The following UNC79 variants were observed in gnomAD, a reference collection of about 807,000 sequenced individuals.
UNC79 encodes the protein unc-79 subunit of NALCN channel complex.
In UNC79, 37 loss-of-function variants were observed where a neutral mutation model predicts 283.1. The ratio of observed to expected loss-of-function variants is 0.13; its 90% confidence interval spans 0.10 to 0.17. The LOEUF is 0.17. UNC79 is among the 10% of genes least tolerant of loss of function. UNC79 has a pLI of 1.00. For synonymous variants in UNC79, 1,107 were observed against 1,200.2 expected, an observed-to-expected ratio of 0.92 and a Z score of 1.61; for missense variants, 2,272 against 3,211.1, an observed-to-expected ratio of 0.71 and a Z score of 7.07.
chr14:93,419,909 AAAAAATAATT>A (rs1054162354), intron 1 of UNC79, among the ~76,000 whole-genome samples: 3 of 151,630 alleles, frequency 2.0e-5, no homozygotes, highest in African/African-American at 4.8e-5. Context: ...ATAAAAGAAT[AAAAAATAATT>A]AAAAATAACT....
chr14:93,594,312 C>T (rs138919108), intron 23 of UNC79, among the ~76,000 whole-genome samples: 2,204 of 152,140 alleles, frequency 0.014, 54 homozygotes, highest in African/African-American at 0.05. Flanking sequence ...CTGTGTTGTC[C>T]AGGCTGAAGT....
At chr14:93,601,211 G>C (rs1226695466) in intron 25 of UNC79, among the ~76,000 whole-genome samples, 1 of 152,044 alleles carries the variant, frequency 6.6e-6, no homozygotes, top group Non-Finnish European at 1.5e-5. Context: ...CCTGAGCATT[G>C]TACATTGTAC....
chr14:93,506,074 G>C lies in UNC79; in HGVS notation c.898+8788G>C, dbSNP rs377512255. Among the ~76,000 whole-genome samples the C allele has an allele frequency of 2.3e-3, 351 of 151,868 alleles. 1 individual carries two copies. Among genetic ancestry groups the C allele is most frequent in the South Asian group, 5.8e-3 (28 of 4,798 alleles). On this transcript the variant is annotated intron_variant, in intron 7 of 48. Coordinates refer to ENST00000555664, the Ensembl canonical transcript of UNC79. ...TATTTTCCCCTTTTTGTATCTCTAA[G>C]CTCCTATCTGGGATTGAAGTTTTTT...
At chr14:93,416,597 A>T (rs1281845451) in intron 1 of UNC79, among the ~76,000 whole-genome samples, 2 of 152,176 alleles carry the variant, frequency 1.3e-5, no homozygotes, top group Admixed American at 1.3e-4. Context: ...TGTCTCATTG[A>T]TCTGTCTAAT....
At chr14:93,382,761 C>T (rs75582830) in intron 1 of UNC79, among the ~76,000 whole-genome samples, 2,149 of 152,172 alleles carry the variant, frequency 0.014, 64 homozygotes, top group African/African-American at 0.05. Context: ...GTTCTGATTC[C>T]AGATTCCATC....
intron 1 of UNC79, among the ~76,000 whole-genome samples, chr14:93,349,189 G>C (rs1039831974): frequency 6.6e-6 from 1 of 152,214 alleles, no homozygotes; most frequent in African/African-American, 2.4e-5. Context: ...AAGGTCTGCA[G>C]CTTCATTCTT....
chr14:93,507,086 C>CT (rs1279965134), intron 7 of UNC79, among the ~76,000 whole-genome samples: 1 of 151,856 alleles, frequency 6.6e-6, no homozygotes, highest in Non-Finnish European at 1.5e-5. Context: ...ATTAGTAGTT[C>CT]TTTTTTTTAT....
chr14:93,704,613 T>C lies in UNC79; in HGVS notation c.7549-12T>C. On this transcript the variant is annotated splice_polypyrimidine_tract_variant and intron_variant, in intron 47 of 48. Transcript: ENST00000555664. ...GACACTAATAATGAAGCTTTTGTCT[T>C]TCTCTATACAGCTGATACCTATGTG... 1.2e-6 allele frequency: 2 copies of C among 1,614,162 alleles called. No homozygotes were observed. The highest frequency in any genetic ancestry group is 1.7e-6 in the Non-Finnish European group (2 of 1,179,994).
At chr14:93,658,826 A>G (rs987776561) in intron 38 of UNC79, among the ~76,000 whole-genome samples, 4 of 152,038 alleles carry the variant, frequency 2.6e-5, no homozygotes, top group African/African-American at 9.7e-5. Flanking sequence ...CTACCCAACA[A>G]ATTTCTGTTC....
chr14:93,410,095 TCCTC>T (rs1189409369), intron 1 of UNC79, among the ~76,000 whole-genome samples: 1 of 152,188 alleles, frequency 6.6e-6, no homozygotes, highest in East Asian at 1.9e-4. Flanking sequence ...ACACCACCCT[TCCTC>T]CCTCACCTAG....
intron 7 of UNC79, among the ~76,000 whole-genome samples, chr14:93,514,656 G>T (rs1263753529): frequency 2.0e-5 from 3 of 152,034 alleles, no homozygotes; most frequent in African/African-American, 7.2e-5. Flanking sequence ...ATCCGCCTTA[G>T]CATTTCTTTA....
intron 1 of UNC79, among the ~76,000 whole-genome samples, chr14:93,374,122 G>A (rs1193233872): frequency 6.6e-6 from 1 of 152,126 alleles, no homozygotes. Flanking sequence ...GCAGAAATGT[G>A]GGTCTGGGGC....
rs1201086946 is a variant in UNC79 at position 93,516,545 on chromosome 14, C to T, written c.899-7433C>T. Among the ~76,000 whole-genome samples, 8 of 151,620 alleles carry T rather than the reference C, an allele frequency of 5.3e-5. No homozygotes were observed. The East Asian group carries it at 1.4e-3, about 26-fold the overall frequency. ...CACTGCAACCTCTGCCTCTCCGGTT[C>T]AAGTGATTCTCCTGCCTCAGCCTCC... On this transcript the variant is annotated intron_variant, in intron 7 of 48. Coordinates refer to ENST00000555664, the Ensembl canonical transcript of UNC79.
intron 40 of UNC79, among the ~76,000 whole-genome samples, chr14:93,667,461 C>T (rs1484781760): frequency 1.3e-5 from 2 of 151,780 alleles, no homozygotes; most frequent in African/African-American, 4.8e-5. Context: ...ACAGTAGGTA[C>T]AATTTTCTAG....
chr14:93,640,290 G>T (rs1486726551), intron 32 of UNC79, among the ~76,000 whole-genome samples: 1 of 152,112 alleles, frequency 6.6e-6, no homozygotes, highest in African/African-American at 2.4e-5. Context: ...TCACTGGATG[G>T]TTCCTTCAAA....
At chr14:93,597,700 G>C (rs2065172976) in intron 24 of UNC79, among the ~76,000 whole-genome samples, 160 bp downstream of exon 24, 1 of 152,164 alleles carries the variant, frequency 6.6e-6, no homozygotes, top group South Asian at 2.1e-4. Flanking sequence ...CAGATTGTCT[G>C]CCGAGGGCCT....
intron 47 of UNC79, among the ~76,000 whole-genome samples, chr14:93,702,987 C>T (rs542569567): frequency 7.2e-5 from 11 of 152,360 alleles, no homozygotes; most frequent in African/African-American, 2.2e-4. Flanking sequence ...ATCCCCTCTT[C>T]GGAAGTTGTA....
At chr14:93,435,127 T>A (rs956060726) in intron 1 of UNC79, among the ~76,000 whole-genome samples, 1 of 152,234 alleles carries the variant, frequency 6.6e-6, no homozygotes, top group African/African-American at 2.4e-5. Flanking sequence ...TCAATAGCAC[T>A]GCAGTTGTAG....
intron 40 of UNC79, among the ~76,000 whole-genome samples, chr14:93,671,925 G>A (rs867077086): frequency 4.6e-5 from 7 of 151,858 alleles, no homozygotes; most frequent in African/African-American, 1.7e-4. Flanking sequence ...ACAGGCATAT[G>A]AAAAAAAATG....
Sources: gnomAD v4.1 joint callset for allele counts (sites outside exome capture counted in the v4.1 genomes callset) on GRCh38, gnomAD v4.1.1 for gene constraint, MANE v1.5 for transcripts, NCBI Gene and HGNC (gene_info 2026-07-23, HGNC 2026-07-21) for gene names.